UNC13C: variants seen among roughly 807,000 people sequenced by gnomAD.
UNC13C encodes protein unc-13 homolog C.
Under a neutral mutation model 245.4 loss-of-function variants are expected in UNC13C, and 174 were observed. That is an observed-to-expected ratio of 0.71 (90% CI 0.63 to 0.80). UNC13C has a LOEUF of 0.80. Ranked by LOEUF, UNC13C falls within the 30% of genes least tolerant of loss-of-function variation. The pLI, the probability that UNC13C is intolerant of heterozygous loss-of-function variation, is 0.00. For synonymous variants in UNC13C, 992 were observed against 895.1 expected (o/e 1.11, Z -1.93); for missense variants, 2,829 against 2,602.9 (o/e 1.09, Z -1.89).
intron 26 of UNC13C, 44 bp downstream of exon 26, chr15:54,533,110 T>C: frequency 6.6e-7 from 1 of 1,518,246 alleles, no homozygotes; most frequent in African/African-American, 1.4e-5. Context: ...TTGCCCTAAA[T>C]TTGACCTTTA....
chr15:53,994,887 G>T (rs1440851867), intron 1 of UNC13C, among the ~76,000 whole-genome samples: 7 of 152,070 alleles, frequency 4.6e-5, no homozygotes, highest in Non-Finnish European at 1.0e-4. Context: ...CTGAACTAAG[G>T]TGGTAGCTCT....
Position 54,501,094 on chromosome 15 carries a change from G to C in UNC13C, c.5301+116G>C, listed in dbSNP as rs1046321816. 4 of 1,039,362 alleles carry C rather than the reference G, an allele frequency of 3.8e-6. No individual in the cohort carries two copies. In the African/African-American group the frequency reaches 6.4e-5, roughly 17 times the overall value. The allele number at this position is 1,039,362 out of a possible 1,614,324, so 64.4% of individuals were successfully genotyped here. Reference sequence around the variant, plus strand: ...CCCATCCCAGTTTATTTGTAATTCTGTACTAGTAAATTCAGTTGTTTCCAG... The same window carrying C: ...CCCATCCCAGTTTATTTGTAATTCTCTACTAGTAAATTCAGTTGTTTCCAG... On this transcript the variant is annotated intron_variant, in intron 22 of 32. Coordinates refer to ENST00000260323, the MANE Select transcript of UNC13C (RefSeq NM_001080534.3).
chr15:54,022,379 C>T (rs935172140), intron 2 of UNC13C, among the ~76,000 whole-genome samples: 3 of 152,002 alleles, frequency 2.0e-5, no homozygotes, highest in Non-Finnish European at 4.4e-5. Context: ...ACGATCATGG[C>T]TCACTGCAGC....
intron 9 of UNC13C, 32 bp from the exon 10 acceptor site, chr15:54,265,323 T>A (rs1314589833): frequency 7.1e-7 from 1 of 1,398,808 alleles, no homozygotes. Flanking sequence ...GAGGACTCTG[T>A]ATGTTAAAAT....
chr15:53,901,218 C>CTTTTTTTTTTT, the UNC13C span, among the ~76,000 whole-genome samples: 1 of 104,830 alleles, frequency 9.5e-6, no homozygotes, highest in Non-Finnish European at 1.9e-5. Flanking sequence ...TCATAGATTT[C>CTTTTTTTTTTT]TTTTTTTTTT....
Position 54,044,987 on chromosome 15 carries a change from A to G in UNC13C, c.2983+29101A>G, listed in dbSNP as rs1018316923. Reference sequence around the variant, plus strand: ...ATTCTAGTTACAAGTCCCTTATGCCATATGTGATTTAAAATATTTTCTCTC... The same window carrying G: ...ATTCTAGTTACAAGTCCCTTATGCCGTATGTGATTTAAAATATTTTCTCTC... On this transcript the variant is annotated intron_variant, in intron 2 of 32. Coordinates refer to ENST00000260323, the MANE Select transcript of UNC13C (RefSeq NM_001080534.3). 3.3e-5 allele frequency among the ~76,000 whole-genome samples: 5 copies of G among 152,082 alleles called. No homozygotes were observed. In the East Asian group the frequency reaches 7.7e-4, roughly 23 times the overall value.
chr15:53,888,650 C>T, the UNC13C span, among the ~76,000 whole-genome samples: 1 of 152,112 alleles, frequency 6.6e-6, no homozygotes, highest in African/African-American at 2.4e-5. Flanking sequence ...ATGGCATTGC[C>T]TATGTTTTCT....
intron 4 of UNC13C, among the ~76,000 whole-genome samples, chr15:54,144,191 T>C (rs2032154326): frequency 6.6e-6 from 1 of 152,216 alleles, no homozygotes; most frequent in African/African-American, 2.4e-5. Context: ...TTATTTTCTA[T>C]GTAAAAAATT....
intron 2 of UNC13C, chr15:54,049,066 C>A: frequency 2.6e-6 from 1 of 377,998 alleles, no homozygotes; most frequent in Non-Finnish European, 5.2e-6. Flanking sequence ...CTATTTTTAT[C>A]AATGAAAGTG....
At chr15:53,860,063 G>A in the UNC13C span, among the ~76,000 whole-genome samples, 6 of 152,236 alleles carry the variant, frequency 3.9e-5, no homozygotes, top group South Asian at 4.1e-4. Context: ...GCTAATTATA[G>A]CAGCACAGAC....
In UNC13C at chr15:54,020,262, ATTTTTTTC is replaced by A. The variant is rs1336842145; in HGVS notation, c.2983+4392_2983+4399del. Among the ~76,000 whole-genome samples, 590 of 149,694 alleles carry A rather than the reference ATTTTTTTC, an allele frequency of 3.9e-3. 3 individuals are homozygous for A. The highest frequency in any genetic ancestry group is 0.014 in the African/African-American group (568 of 40,702). On this transcript the variant is annotated intron_variant, in intron 2 of 32. Transcript: ENST00000260323. ...ATCAGTCTAAGGAAAAATATTAATAATTTTTTTCTTTTTTTCTTTTTTTTTTTTTTGAG... is the reference window on the plus strand; with the variant it reads ...ATCAGTCTAAGGAAAAATATTAATAATTTTTTTCTTTTTTTTTTTTTTGAG...
chr15:54,190,716 C>T (rs970193670), intron 4 of UNC13C, among the ~76,000 whole-genome samples: 3 of 151,646 alleles, frequency 2.0e-5, no homozygotes, highest in Non-Finnish European at 2.9e-5. Flanking sequence ...TTTATGTGTC[C>T]CATTTAGTAA....
intron 23 of UNC13C, among the ~76,000 whole-genome samples, chr15:54,509,155 T>C (rs1391102112): frequency 6.6e-6 from 1 of 152,126 alleles, no homozygotes; most frequent in Non-Finnish European, 1.5e-5. Context: ...GCCAAGATTG[T>C]GCCATTGCAC....
At chr15:54,373,576 C>A (rs1490229259) in intron 17 of UNC13C, among the ~76,000 whole-genome samples, 1 of 152,162 alleles carries the variant, frequency 6.6e-6, no homozygotes, top group South Asian at 2.1e-4. Context: ...CAAGCAGCTT[C>A]CACTGCTGGC....
At chr15:54,416,694 C>G (rs1403476963) in intron 19 of UNC13C, among the ~76,000 whole-genome samples, 2 of 152,134 alleles carry the variant, frequency 1.3e-5, no homozygotes, top group East Asian at 1.9e-4. Context: ...GGCCTATACT[C>G]TGCATCCCCC....
At chr15:54,128,321 G>A (rs924094878) in intron 2 of UNC13C, among the ~76,000 whole-genome samples, 7 of 152,254 alleles carry the variant, frequency 4.6e-5, no homozygotes, top group South Asian at 2.1e-4. Flanking sequence ...AATATCATAC[G>A]AATATTTATT....
chr15:54,576,870 C>T (rs1437362193), intron 30 of UNC13C, among the ~76,000 whole-genome samples: 2 of 152,152 alleles, frequency 1.3e-5, no homozygotes, highest in South Asian at 2.1e-4. Context: ...AATCTAAGTG[C>T]CCAGTAGAGT....
chr15:54,422,599 T>G (rs1020162617), intron 19 of UNC13C, among the ~76,000 whole-genome samples: 1 of 151,950 alleles, frequency 6.6e-6, no homozygotes, highest in Non-Finnish European at 1.5e-5. Context: ...ATGACTTCCT[T>G]AACTGAGCCA....
rs1595698977 is a variant in UNC13C, at chr15:54,003,094, T to C, written c.-256-9554T>C. Among the ~76,000 whole-genome samples the C allele has an allele frequency of 3.3e-5, 5 of 152,268 alleles. No homozygotes were observed. In the East Asian group the frequency reaches 9.7e-4, roughly 29 times the overall value. Reference sequence around the variant, plus strand: ...TAGAGGGTTTCTGAAGGCCGCAATTTTTGTGGAAGCAGTGAAGTGGGACTC... The same window carrying C: ...TAGAGGGTTTCTGAAGGCCGCAATTCTTGTGGAAGCAGTGAAGTGGGACTC... On this transcript the variant is annotated intron_variant, in intron 1 of 32. Coordinates refer to ENST00000260323, the MANE Select transcript of UNC13C (RefSeq NM_001080534.3).
Sources: gnomAD v4.1 joint callset for allele counts (sites outside exome capture counted in the v4.1 genomes callset) on GRCh38, gnomAD v4.1.1 for gene constraint, MANE v1.5 for transcripts, NCBI Gene and HGNC (gene_info 2026-07-23, HGNC 2026-07-21) for gene names.